Variants in RBFOX3 observed in about 807,000 individuals in gnomAD.
RBFOX3 encodes RNA binding fox-1 homolog 3.
Under a neutral mutation model 48.7 loss-of-function variants are expected in RBFOX3, and 17 were observed. The ratio of observed to expected loss-of-function variants is 0.35; its 90% CI spans 0.24 to 0.52. The LOEUF (loss-of-function observed/expected upper bound fraction) is 0.52, where lower values mean the gene tolerates loss of function less well. RBFOX3 is among the 20% of genes least tolerant of loss of function. The probability of loss-of-function intolerance (pLI) is 0.94; values close to 1 mark genes in which losing one functional copy is unlikely to be tolerated. For synonymous variants in RBFOX3, 212 were observed against 209.5 expected, an observed-to-expected ratio of 1.01 and a Z score of -0.10; for missense variants, 382 against 497.5, an observed-to-expected ratio of 0.77 and a Z score of 2.21.
the RBFOX3 span, among the ~76,000 whole-genome samples, chr17:79,656,879 A>AGGAAGGAAGGAG: frequency 3.6e-5 from 5 of 140,462 alleles, no homozygotes; most frequent in East Asian, 2.2e-4. Context: ...GAGGGAAGGA[A>AGGAAGGAAGGAG]GGAAGGAAGG....
chr17:79,154,808 G>A (rs1320189648), intron 4 of RBFOX3, among the ~76,000 whole-genome samples: 1 of 152,120 alleles, frequency 6.6e-6, no homozygotes, highest in Non-Finnish European at 1.5e-5. Context: ...AGGAGTCTGG[G>A]CCTCCCCCAA....
At chr17:79,456,977 T>C (rs564141835) in intron 2 of RBFOX3, among the ~76,000 whole-genome samples, 3 of 152,352 alleles carry the variant, frequency 2.0e-5, no homozygotes, top group African/African-American at 7.2e-5. Context: ...TCATGAATTG[T>C]ATGTGTGTGT....
At chr17:79,435,442 C>T (rs1272414025) in intron 2 of RBFOX3, among the ~76,000 whole-genome samples, 1 of 152,252 alleles carries the variant, frequency 6.6e-6, no homozygotes, top group Non-Finnish European at 1.5e-5. Flanking sequence ...CATGCAGGAT[C>T]TGCCGCTGTG....
chr17:79,527,937 T>G (rs1216791919), intron 1 of RBFOX3, among the ~76,000 whole-genome samples: 1 of 152,224 alleles, frequency 6.6e-6, no homozygotes, highest in Non-Finnish European at 1.5e-5. Context: ...TTCCTCTTTC[T>G]GCCGAGTCAG....
chr17:79,226,946 G>T (rs2060378903), intron 4 of RBFOX3, among the ~76,000 whole-genome samples: 1 of 152,234 alleles, frequency 6.6e-6, no homozygotes, highest in Non-Finnish European at 1.5e-5. Flanking sequence ...TGCCAGGCCT[G>T]GGGGAACCCA....
chr17:79,198,375 A>G lies in RBFOX3; in HGVS notation c.-34+37391T>C, dbSNP rs1314492790. 1.3e-5 allele frequency among the ~76,000 whole-genome samples: 2 copies of G among 152,146 alleles called. No individual in the cohort carries two copies. The highest frequency in any genetic ancestry group is 2.9e-5 in the Non-Finnish European group (2 of 68,030). On this transcript the variant is annotated intron_variant, in intron 4 of 14. Transcript: ENST00000693108. This position sits in a 1 kb window ranked among gnomAD's most constrained non-coding sequence, Gnocchi z 8.2. Reference sequence around the variant, plus strand: ...ATGGTGACTCAGGGGATGTCTTTCCAGCTCTCACGGGACTCAGTGCTAAGG... The same window carrying G: ...ATGGTGACTCAGGGGATGTCTTTCCGGCTCTCACGGGACTCAGTGCTAAGG...
intron 2 of RBFOX3, among the ~76,000 whole-genome samples, chr17:79,406,926 T>A (rs1025958826): frequency 6.6e-6 from 1 of 152,224 alleles, no homozygotes; most frequent in Non-Finnish European, 1.5e-5. Context: ...CGGACTTCCA[T>A]GCCAGGCTGC....
intron 1 of RBFOX3, among the ~76,000 whole-genome samples, chr17:79,556,325 A>T (rs1410315181): frequency 6.6e-6 from 1 of 151,178 alleles, no homozygotes; most frequent in Non-Finnish European, 1.5e-5. Context: ...AGGGGACGTC[A>T]GGACATAAGG....
In RBFOX3 at chr17:79,329,223, T is replaced by C. The variant is rs536705545; in HGVS notation, c.-174-21399A>G. Among the ~76,000 whole-genome samples the C allele has an allele frequency of 2.0e-5, 3 of 152,222 alleles. No individual in the cohort carries two copies. The East Asian group carries it at 5.8e-4, about 29-fold the overall frequency. On this transcript the variant is annotated intron_variant, in intron 2 of 14. Coordinates refer to ENST00000693108, the MANE Select transcript of RBFOX3 (RefSeq NM_001350451.2). ...GGAGAATGGAGGGATCCCTAACATT[T>C]CCAACCCAACTCTGCTCTGTATGGA...
In RBFOX3 at chr17:79,243,450, G is replaced by A. The variant is rs2148060731; in HGVS notation, c.-73-7645C>T. Among the ~76,000 whole-genome samples, 1 of 152,316 alleles carries A rather than the reference G, an allele frequency of 6.6e-6. No individual in the cohort carries two copies. Among genetic ancestry groups the A allele is most frequent in the East Asian group, 1.9e-4 (1 of 5,170 alleles). On this transcript the variant is annotated intron_variant, in intron 3 of 14. Coordinates refer to ENST00000693108, the MANE Select transcript of RBFOX3 (RefSeq NM_001350451.2). The surrounding 1 kb of genome is among the most constrained non-coding windows in gnomAD (Gnocchi z 7.9). ...CTGTGACCAGTTGACTCTTCCAGCT[G>A]TGCTGGGCTTTGCAAAGCCCATGTG...
chr17:79,656,830 A>AAAGAAAGAAAGAAAGAAGGAAAG, the RBFOX3 span, among the ~76,000 whole-genome samples: 1 of 140,674 alleles, frequency 7.1e-6, no homozygotes, highest in African/African-American at 2.8e-5. Flanking sequence ...AGAAAGAAAG[A>AAAGAAAGAAAGAAAGAAGGAAAG]AAAGAAAGAA....
chr17:79,371,915 C>T (rs901876885), intron 2 of RBFOX3, among the ~76,000 whole-genome samples: 1 of 152,138 alleles, frequency 6.6e-6, no homozygotes, highest in Non-Finnish European at 1.5e-5. Context: ...ATACCAAAAC[C>T]AGGATCAGAG....
chr17:79,537,476 G>A (rs1555789038), intron 1 of RBFOX3, among the ~76,000 whole-genome samples: 2 of 152,182 alleles, frequency 1.3e-5, no homozygotes, highest in African/African-American at 4.8e-5. Flanking sequence ...TTGGACCTGA[G>A]GGATACACAG....
chr17:79,349,090 A>G (rs980417859), intron 2 of RBFOX3, among the ~76,000 whole-genome samples: 2 of 151,918 alleles, frequency 1.3e-5, no homozygotes, highest in Non-Finnish European at 2.9e-5. Context: ...TTCTGTCTCC[A>G]AAATGTACCC....
At chr17:79,235,629 G>C (rs1372054520) in intron 4 of RBFOX3, 137 bp downstream of exon 4, 5 of 153,410 alleles carry the variant, frequency 3.3e-5, no homozygotes, top group Non-Finnish European at 5.9e-5. Flanking sequence ...TCCCTCCACA[G>C]CCCCCAAACT....
intron 1 of RBFOX3, among the ~76,000 whole-genome samples, chr17:79,577,537 G>A (rs1028336946): frequency 1.3e-5 from 2 of 152,172 alleles, no homozygotes; most frequent in African/African-American, 4.8e-5. Context: ...AATGACATAC[G>A]CGGGGACAAG....
chr17:79,573,528 C>T (rs1417119701), intron 1 of RBFOX3, among the ~76,000 whole-genome samples: 1 of 152,154 alleles, frequency 6.6e-6, no homozygotes, highest in African/African-American at 2.4e-5. Flanking sequence ...GGAGAGAGGC[C>T]CTTCAAGGCT....
At chr17:79,487,831 G>A (rs940578429) in intron 1 of RBFOX3, among the ~76,000 whole-genome samples, 6 of 150,100 alleles carry the variant, frequency 4.0e-5, no homozygotes, top group Non-Finnish European at 7.4e-5. Flanking sequence ...AGAATGGTGT[G>A]AACCCAGGAG....
In RBFOX3 at chr17:79,194,753, G is replaced by GGT. The variant is rs56182116; in HGVS notation, c.-34+41011_-34+41012dup. ...AATTGAGACACTCCCTGTGTGTGTG[G>GGT]GTGTGTGTGTGTGTGTGTGTGTGTG... On this transcript the variant is annotated intron_variant, in intron 4 of 14. Coordinates refer to ENST00000693108, the MANE Select transcript of RBFOX3 (RefSeq NM_001350451.2). Among the ~76,000 whole-genome samples, 646 of 149,116 alleles carry GGT rather than the reference G, an allele frequency of 4.3e-3. 7 individuals are homozygous for GGT. The highest frequency in any genetic ancestry group is 0.015 in the African/African-American group (615 of 40,322).
Sources: allele counts gnomAD v4.1 joint callset (sites outside exome capture counted in the v4.1 genomes callset), GRCh38; gene constraint gnomAD v4.1.1; non-coding constraint Gnocchi (gnomAD v3.1); transcripts MANE v1.5; gene names NCBI Gene and HGNC (gene_info 2026-07-23, HGNC 2026-07-21).